Variants in SLC38A9 observed in about 807,000 individuals in gnomAD.
The protein encoded by SLC38A9 is neutral amino acid transporter 9.
Under a neutral mutation model 62.3 loss-of-function variants are expected in SLC38A9, and 48 were observed. The observed-to-expected ratio is 0.77, with a 90% CI of 0.61 to 0.98. The LOEUF (loss-of-function observed/expected upper bound fraction) is 0.98, where lower values mean the gene tolerates loss of function less well. Ranked by LOEUF, SLC38A9 falls within the 50% of genes least tolerant of loss-of-function variation. The pLI is 0.00. For missense variants in SLC38A9, 541 were observed against 679.8 expected, an observed-to-expected ratio of 0.80 and a Z score of 2.27; for synonymous variants, 204 against 227.7, an observed-to-expected ratio of 0.90 and a Z score of 0.94.
intron 7 of SLC38A9, among the ~76,000 whole-genome samples, chr5:55,666,111 C>T (rs1446055777): frequency 2.0e-5 from 3 of 151,798 alleles, no homozygotes; most frequent in Non-Finnish European, 1.5e-5. Flanking sequence ...AAATGGTGAT[C>T]GTAGAAACAT....
At chr5:55,640,939 C>G (rs185656075) in intron 12 of SLC38A9, among the ~76,000 whole-genome samples, 2 of 152,086 alleles carry the variant, frequency 1.3e-5, no homozygotes, top group African/African-American at 4.8e-5. Flanking sequence ...CAGGTTCAAG[C>G]GATTCTCCTG....
At chr5:55,646,202 CT>C (rs1746316801) in intron 11 of SLC38A9, among the ~76,000 whole-genome samples, 1 of 152,172 alleles carries the variant, frequency 6.6e-6, no homozygotes, top group Non-Finnish European at 1.5e-5. Context: ...ATGGCGAAAC[CT>C]TGTCTTTACT....
intron 11 of SLC38A9, 56 bp from the exon 12 acceptor site, chr5:55,645,951 G>A (rs570463138): frequency 8.5e-7 from 1 of 1,172,276 alleles, no homozygotes; most frequent in Non-Finnish European, 1.2e-6. Flanking sequence ...AATGAGTATT[G>A]GTAGCCAAAA....
chr5:55,642,835 A>G (rs1745653493), intron 12 of SLC38A9, among the ~76,000 whole-genome samples: 1 of 152,238 alleles, frequency 6.6e-6, no homozygotes, highest in Non-Finnish European at 1.5e-5. Flanking sequence ...ATGTATGGTC[A>G]GTAAAGATGA....
chr5:55,708,534 C>A (rs535949384), intron 2 of SLC38A9, among the ~76,000 whole-genome samples: 1 of 152,216 alleles, frequency 6.6e-6, no homozygotes, highest in Non-Finnish European at 1.5e-5. Context: ...TCTATAGAAT[C>A]TATGCCAAGA....
At chr5:55,708,364 A>G (rs552454520) in intron 2 of SLC38A9, among the ~76,000 whole-genome samples, 148 of 152,346 alleles carry the variant, frequency 9.7e-4, no homozygotes, top group African/African-American at 3.3e-3. Context: ...GTACTGAAGC[A>G]CTTCTCTCCG....
chr5:55,687,065 GT>G (rs56912932), intron 3 of SLC38A9, among the ~76,000 whole-genome samples: 10 of 125,718 alleles, frequency 8.0e-5, no homozygotes, highest in South Asian at 4.7e-4. Context: ...CTCCAGCTTT[GT>G]TTTTTTTTTT....
At chr5:55,691,279 C>A (rs1475264406) in intron 3 of SLC38A9, 1 of 1,447,374 alleles carries the variant, frequency 6.9e-7, no homozygotes, top group Non-Finnish European at 9.4e-7. Flanking sequence ...TAATACCAAG[C>A]TGACAACAGA....
At chr5:55,649,393 T>C (rs971030387) in intron 10 of SLC38A9, 79 bp from the exon 11 acceptor site, 13 of 853,780 alleles carry the variant, frequency 1.5e-5, no homozygotes, top group African/African-American at 8.8e-5. Context: ...ATTGTTTCCA[T>C]AGTCTCAGCA....
intron 3 of SLC38A9, among the ~76,000 whole-genome samples, chr5:55,673,709 CTTTTTT>C (rs201596512): frequency 1.3e-4 from 17 of 127,588 alleles, no homozygotes; most frequent in Admixed American, 1.6e-4. Context: ...TTAATCTAAT[CTTTTTT>C]TTTTTTTTTT....
chr5:55,626,712 C>CT, intron 15 of SLC38A9, 53 bp from the exon 16 acceptor site: 3 of 1,494,646 alleles, frequency 2.0e-6, no homozygotes, highest in Non-Finnish European at 1.8e-6. Flanking sequence ...TTGCTTTTTA[C>CT]AATTAAGGTA....
chr5:55,649,026 G>A (rs1351164115), intron 11 of SLC38A9, among the ~76,000 whole-genome samples, 181 bp downstream of exon 11: 1 of 151,944 alleles, frequency 6.6e-6, no homozygotes, highest in Non-Finnish European at 1.5e-5. Context: ...AATGACAAAG[G>A]GCCCTGGTTA....
intron 3 of SLC38A9, among the ~76,000 whole-genome samples, chr5:55,682,739 C>T (rs6896603): frequency 0.61 from 91,968 of 151,952 alleles, 28,296 homozygotes; most frequent in South Asian, 0.7. Flanking sequence ...CGTGCCACTG[C>T]ACTCCAGCAT....
At chr5:55,628,596 A>G (rs1742880377) in intron 14 of SLC38A9, among the ~76,000 whole-genome samples, 1 of 152,212 alleles carries the variant, frequency 6.6e-6, no homozygotes, top group Non-Finnish European at 1.5e-5. Context: ...AACTTTTCAT[A>G]AAGTGTTCAA....
chr5:55,650,992 T>C (rs1360437499), intron 10 of SLC38A9, among the ~76,000 whole-genome samples: 2 of 151,886 alleles, frequency 1.3e-5, no homozygotes, highest in African/African-American at 4.8e-5. Context: ...GGTTGCTCCA[T>C]GTTGGTCAGT....
At chr5:55,642,752 A>C (rs1745645982) in intron 12 of SLC38A9, among the ~76,000 whole-genome samples, 1 of 152,236 alleles carries the variant, frequency 6.6e-6, no homozygotes, top group Non-Finnish European at 1.5e-5. Context: ...ATTTGAGATC[A>C]GTTCACCAAG....
intron 3 of SLC38A9, among the ~76,000 whole-genome samples, chr5:55,675,677 T>A (rs1192381218): frequency 6.6e-6 from 1 of 152,222 alleles, no homozygotes; most frequent in Non-Finnish European, 1.5e-5. Flanking sequence ...TCTTACCTTA[T>A]AAATATTTAT....
At chr5:55,709,325 G>T (rs534796239) in intron 2 of SLC38A9, among the ~76,000 whole-genome samples, 2 of 151,376 alleles carry the variant, frequency 1.3e-5, no homozygotes, top group Non-Finnish European at 2.9e-5. Context: ...GCAAACGACA[G>T]AAATTTAAGT....
In SLC38A9 at chr5:55,658,778, A is replaced by C. The variant is rs999315226; in HGVS notation, c.698-2004T>G. Among the ~76,000 whole-genome samples, 24 of 152,342 alleles carry C rather than the reference A, an allele frequency of 1.6e-4. No individual in the cohort carries two copies. The South Asian group carries it at 4.8e-3, about 30-fold the overall frequency. Reference sequence around the variant, plus strand: ...ACCAAGGTTCATGGACAGCATGAAAAAGAAAAACCATAGGCCAATATTTGT... The same window carrying C: ...ACCAAGGTTCATGGACAGCATGAAACAGAAAAACCATAGGCCAATATTTGT... On this transcript the variant is annotated intron_variant, in intron 8 of 15. Coordinates refer to ENST00000396865, the MANE Select transcript of SLC38A9 (RefSeq NM_173514.4).
Sources: gnomAD v4.1 joint callset for allele counts (sites outside exome capture counted in the v4.1 genomes callset) on GRCh38, gnomAD v4.1.1 for gene constraint, MANE v1.5 for transcripts, NCBI Gene and HGNC (gene_info 2026-07-23, HGNC 2026-07-21) for gene names.